TMEM200A: variants seen among roughly 807,000 people sequenced by gnomAD.
TMEM200A encodes two transmembrane C.
TMEM200A carries 12 observed loss-of-function variants against 24.3 expected under a neutral mutation model. That is an observed-to-expected ratio of 0.49 (90% CI 0.32 to 0.80). The LOEUF (loss-of-function observed/expected upper bound fraction) is 0.80. Ranked by LOEUF, TMEM200A falls within the 30% of genes least tolerant of loss-of-function variation. The probability of loss-of-function intolerance (pLI) is 0.04; values close to 1 mark genes in which losing one functional copy is unlikely to be tolerated. For missense variants in TMEM200A, 545 were observed against 614.4 expected (o/e 0.89, Z 1.19); for synonymous variants, 224 against 224.4 (o/e 1.00, Z 0.02).
chr6:130,424,848 C>A (rs1260259711), intron 2 of TMEM200A, among the ~76,000 whole-genome samples: 2 of 152,132 alleles, frequency 1.3e-5, no homozygotes, highest in Non-Finnish European at 2.9e-5. Flanking sequence ...CCCAGCCAGT[C>A]TGAATGCATG....
chr6:130,427,602 G>C (rs556541203), intron 2 of TMEM200A, among the ~76,000 whole-genome samples: 1 of 152,000 alleles, frequency 6.6e-6, no homozygotes. Flanking sequence ...TGGACATTTC[G>C]ATTTTTGAAA....
chr6:130,441,516 T>G lies in TMEM200A; in HGVS notation c.1094T>G (p.Leu365Arg). The G allele has an allele frequency of 1.9e-6, 3 of 1,614,092 alleles. No individual in the cohort carries two copies. The highest frequency in any genetic ancestry group is 2.5e-6 in the Non-Finnish European group (3 of 1,179,988). Residue 365 changes from leucine (L) to arginine (R), a missense_variant, in exon 3 of 3, where the codon CTC becomes CGC. By Grantham distance (102) the Leu-to-Arg change is moderately radical. Coordinates refer to ENST00000296978, the MANE Select transcript of TMEM200A (RefSeq NM_001258277.2). The stretch of plus-strand genomic sequence containing the variant: ...AGTCAGTACAAGTCATCTATGGCTC[T>G]CGGACCTGGGGCTGGACAGCTCTTG... ...LSSQYKSSMA[L>R]GPGAGQLLSP...
At chr6:130,395,267 A>C (rs1562556731) in intron 2 of TMEM200A, among the ~76,000 whole-genome samples, 1 of 152,310 alleles carries the variant, frequency 6.6e-6, no homozygotes, top group East Asian at 1.9e-4. Context: ...TGCCTAGAAA[A>C]GAGGTCATTT....
intron 2 of TMEM200A, chr6:130,437,110 A>G (rs1388352852): frequency 6.6e-6 from 1 of 152,210 alleles, no homozygotes; most frequent in African/African-American, 2.4e-5. Context: ...GCAGATGTGT[A>G]TAAATTGCAA....
chr6:130,426,101 C>T (rs1779731682), intron 2 of TMEM200A, among the ~76,000 whole-genome samples: 1 of 152,090 alleles, frequency 6.6e-6, no homozygotes, highest in Non-Finnish European at 1.5e-5. Flanking sequence ...AAATAAGCCC[C>T]AGGGATTGTA....
intron 1 of TMEM200A, among the ~76,000 whole-genome samples, chr6:130,371,221 T>G (rs1778315063): frequency 6.6e-6 from 1 of 152,140 alleles, no homozygotes; most frequent in Non-Finnish European, 1.5e-5. Flanking sequence ...AAATAGATTG[T>G]GTAGACAGGA....
intron 2 of TMEM200A, chr6:130,438,176 T>G (rs1780065706): frequency 1.3e-5 from 2 of 152,218 alleles, no homozygotes; most frequent in African/African-American, 4.8e-5. Context: ...GGTTCTAATC[T>G]GCAGTATGTA....
At chr6:130,392,753 C>T (rs1435643518) in intron 2 of TMEM200A, among the ~76,000 whole-genome samples, 1 of 152,176 alleles carries the variant, frequency 6.6e-6, no homozygotes, top group African/African-American at 2.4e-5. Context: ...ACCTAACCAC[C>T]CTTCCCTGAG....
At chr6:130,400,518 T>A (rs76988509) in intron 2 of TMEM200A, among the ~76,000 whole-genome samples, 1 of 61,096 alleles carries the variant, frequency 1.6e-5, no homozygotes, top group Non-Finnish European at 2.7e-5. Flanking sequence ...CTCCTATGAT[T>A]TTTTTTTTTT....
At chr6:130,430,880 C>T (rs1779859572) in intron 2 of TMEM200A, among the ~76,000 whole-genome samples, 1 of 152,152 alleles carries the variant, frequency 6.6e-6, no homozygotes. Flanking sequence ...GAACGCTTTA[C>T]TATTAATTGA....
intron 2 of TMEM200A, among the ~76,000 whole-genome samples, chr6:130,422,229 G>T (rs1255329598): frequency 6.6e-6 from 1 of 151,916 alleles, no homozygotes; most frequent in Non-Finnish European, 1.5e-5. Flanking sequence ...TGTCTTTTTG[G>T]TAATAACCTT....
intron 2 of TMEM200A, among the ~76,000 whole-genome samples, chr6:130,398,819 T>C (rs1192428506): frequency 1.3e-5 from 2 of 152,020 alleles, no homozygotes; most frequent in Non-Finnish European, 2.9e-5. Flanking sequence ...AATGATATTA[T>C]AATATTTTTA....
intron 1 of TMEM200A, among the ~76,000 whole-genome samples, chr6:130,377,132 C>T (rs1562549715): frequency 6.6e-6 from 1 of 152,114 alleles, no homozygotes; most frequent in Non-Finnish European, 1.5e-5. Context: ...GCTAGAGAGC[C>T]ATTGGGTAAT....
chr6:130,431,538 T>A (rs1779874240), intron 2 of TMEM200A, among the ~76,000 whole-genome samples: 1 of 152,112 alleles, frequency 6.6e-6, no homozygotes, highest in Non-Finnish European at 1.5e-5. Flanking sequence ...TTTGAGGAGT[T>A]GGGATGTGGG....
intron 2 of TMEM200A, among the ~76,000 whole-genome samples, chr6:130,422,707 G>T (rs1048524288): frequency 1.3e-5 from 2 of 152,122 alleles, no homozygotes; most frequent in Non-Finnish European, 2.9e-5. Context: ...CCAAAACATG[G>T]GAACTGTTTT....
chr6:130,411,699 G>GCA (rs1278649914), intron 2 of TMEM200A, among the ~76,000 whole-genome samples: 1 of 152,150 alleles, frequency 6.6e-6, no homozygotes, highest in African/African-American at 2.4e-5. Flanking sequence ...TTTGTTTGGT[G>GCA]CTTGCTTGTT....
At chr6:130,432,108 C>A (rs377593615) in intron 2 of TMEM200A, among the ~76,000 whole-genome samples, 4,139 of 152,232 alleles carry the variant, frequency 0.027, 64 homozygotes, top group African/African-American at 0.042. Context: ...TGCAGATTTT[C>A]ACATTATATC....
chr6:130,390,680 CTA>C (rs1778813621), intron 2 of TMEM200A, among the ~76,000 whole-genome samples: 1 of 152,114 alleles, frequency 6.6e-6, no homozygotes, highest in African/African-American at 2.4e-5. Flanking sequence ...TGGAGTGAGA[CTA>C]TGAAAAGCAA....
chr6:130,414,376 A>G (rs1337201451), intron 2 of TMEM200A, among the ~76,000 whole-genome samples: 2 of 150,284 alleles, frequency 1.3e-5, no homozygotes, highest in African/African-American at 4.9e-5. Flanking sequence ...AGGTTGCAGT[A>G]AGCTGAGATC....
Sources: allele counts gnomAD v4.1 joint callset (sites outside exome capture counted in the v4.1 genomes callset), GRCh38; gene constraint gnomAD v4.1.1; transcripts MANE v1.5; gene names NCBI Gene and HGNC (gene_info 2026-07-23, HGNC 2026-07-21).